The following ASB3 variants were observed in gnomAD, a reference collection of about 807,000 sequenced individuals.
The protein encoded by ASB3 is ankyrin repeat and SOCS box protein 3.
Under a neutral mutation model 54.5 loss-of-function variants are expected in ASB3, and 41 were observed. The observed-to-expected ratio is 0.75, with a 90% confidence interval of 0.59 to 0.98. The LOEUF is 0.98. ASB3 is among the 50% of genes least tolerant of loss of function. The probability of loss-of-function intolerance (pLI) is 0.00; values close to 1 mark genes in which losing one functional copy is unlikely to be tolerated. For missense variants in ASB3, 733 were observed against 620.0 expected (o/e 1.18, Z -1.94); for synonymous variants, 266 against 221.2 (o/e 1.20, Z -1.80).
rs1170349329 is a variant in ASB3, at chr2:53,765,536, T to C, written c.37A>G (p.Thr13Ala). 1.9e-6 allele frequency: 3 copies of C among 1,614,220 alleles called. No individual in the cohort carries two copies. The highest frequency in any genetic ancestry group is 1.7e-6 in the Non-Finnish European group (2 of 1,180,024). The change falls in exon 2 of 10, where the codon ACA (threonine) becomes GCA (alanine). Residue 13 changes from threonine to alanine, a missense_variant. Physicochemically the swap from Thr to Ala is moderately conservative, Grantham distance 58. Transcript: ENST00000263634. ...CCTTCCCTGGCAGCAAGTCCAACTG[T>C]AGAGCACGTGTCCGCGTAAGCCTCT... ...FTEAYADTCS[T>A]VGLAAREGNV...
At chr2:53,692,879 A>G (rs528047093) in intron 9 of ASB3, among the ~76,000 whole-genome samples, 1 of 152,302 alleles carries the variant, frequency 6.6e-6, no homozygotes, top group South Asian at 2.1e-4. Flanking sequence ...ATCATTAAAG[A>G]AATTCTATAC....
At chr2:53,679,206 C>A (rs990673963) in intron 9 of ASB3, among the ~76,000 whole-genome samples, 1 of 152,152 alleles carries the variant, frequency 6.6e-6, no homozygotes, top group African/African-American at 2.4e-5. Context: ...GAAAACTAAG[C>A]AATGCTGGAA....
At chr2:53,740,576 A>C (rs1671879236) in intron 3 of ASB3, among the ~76,000 whole-genome samples, 1 of 152,246 alleles carries the variant, frequency 6.6e-6, no homozygotes, top group African/African-American at 2.4e-5. Flanking sequence ...TATACTAAAA[A>C]GTTATATTTC....
At chr2:53,734,982 C>T (rs560048941) in intron 3 of ASB3, among the ~76,000 whole-genome samples, 8 of 141,516 alleles carry the variant, frequency 5.7e-5, no homozygotes, top group Non-Finnish European at 1.0e-4. Flanking sequence ...TGCAGTGGTG[C>T]GATCTTGGCT....
At chr2:53,684,378 TTCA>T (rs1400883632) in intron 9 of ASB3, among the ~76,000 whole-genome samples, 1 of 152,224 alleles carries the variant, frequency 6.6e-6, no homozygotes, top group East Asian at 1.9e-4. Flanking sequence ...TCAAACCAAG[TTCA>T]TTATTATTGC....
At chr2:53,721,921 G>T (rs954645642) in intron 5 of ASB3, among the ~76,000 whole-genome samples, 1 of 151,856 alleles carries the variant, frequency 6.6e-6, no homozygotes, top group African/African-American at 2.4e-5. Flanking sequence ...TCTTTGAAAG[G>T]ATAAACAAAA....
intron 3 of ASB3, among the ~76,000 whole-genome samples, chr2:53,738,866 A>G (rs1671784292): frequency 6.6e-6 from 1 of 152,172 alleles, no homozygotes; most frequent in Non-Finnish European, 1.5e-5. Flanking sequence ...GAAATAAAAG[A>G]CCGCATTTCA....
intron 2 of ASB3, among the ~76,000 whole-genome samples, chr2:53,751,880 A>G (rs1176273045): frequency 4.6e-5 from 7 of 152,238 alleles, no homozygotes; most frequent in Non-Finnish European, 8.8e-5. Context: ...AAAGGGCAAG[A>G]TAGAGTAGTC....
intron 3 of ASB3, among the ~76,000 whole-genome samples, chr2:53,739,912 G>C (rs190524391): frequency 1.9e-4 from 29 of 152,090 alleles, no homozygotes; most frequent in African/African-American, 7.0e-4. Flanking sequence ...GGGCTCAAGT[G>C]ATCCTCCCAC....
intron 5 of ASB3, among the ~76,000 whole-genome samples, chr2:53,722,622 A>G (rs1166699388): frequency 6.6e-6 from 1 of 152,196 alleles, no homozygotes; most frequent in Non-Finnish European, 1.5e-5. Flanking sequence ...ATAAAACCCA[A>G]CATCCCTTCA....
intron 9 of ASB3, among the ~76,000 whole-genome samples, chr2:53,683,979 T>C (rs1668509580): frequency 6.6e-6 from 1 of 152,190 alleles, no homozygotes; most frequent in African/African-American, 2.4e-5. Flanking sequence ...TATTATTTCT[T>C]TTCTTCTAGT....
chr2:53,784,561 A>G (rs1389684785), intron 1 of ASB3, among the ~76,000 whole-genome samples: 9 of 152,142 alleles, frequency 5.9e-5, no homozygotes, highest in Non-Finnish European at 1.3e-4. Flanking sequence ...AGCTCTAAAG[A>G]AGGATTCTTC....
At chr2:53,686,848 A>G (rs1359546700) in intron 9 of ASB3, among the ~76,000 whole-genome samples, 1 of 152,048 alleles carries the variant, frequency 6.6e-6, no homozygotes, top group African/African-American at 2.4e-5. Context: ...CAGCCTCCCG[A>G]GTAGCTGGGA....
At chr2:53,706,010 T>C (rs1207154830) in intron 7 of ASB3, among the ~76,000 whole-genome samples, 1 of 152,170 alleles carries the variant, frequency 6.6e-6, no homozygotes, top group Non-Finnish European at 1.5e-5. Flanking sequence ...CCCAAAAAAC[T>C]AGGGTTTTTT....
intron 7 of ASB3, among the ~76,000 whole-genome samples, chr2:53,709,890 G>C (rs1185834412): frequency 6.6e-6 from 1 of 152,070 alleles, no homozygotes; most frequent in Non-Finnish European, 1.5e-5. Context: ...TTCTCTCTTA[G>C]ACCTCTTCCT....
intron 5 of ASB3, among the ~76,000 whole-genome samples, chr2:53,718,429 C>T (rs951965876): frequency 3.7e-4 from 56 of 152,108 alleles, no homozygotes; most frequent in South Asian, 6.2e-4. Context: ...GCTTCACAAA[C>T]GAAGGAGAAA....
intron 9 of ASB3, among the ~76,000 whole-genome samples, chr2:53,676,153 T>G (rs184763751): frequency 4.1e-4 from 63 of 152,332 alleles, no homozygotes; most frequent in Admixed American, 3.3e-3. Flanking sequence ...ACTATGGATG[T>G]ATAAACAATA....
chr2:53,700,786 TA>T (rs200551514), intron 7 of ASB3, among the ~76,000 whole-genome samples: 4 of 152,030 alleles, frequency 2.6e-5, no homozygotes, highest in South Asian at 2.1e-4. Context: ...AATGTCATTT[TA>T]AAAAAAATTA....
chr2:53,766,531 C>T (rs1673467824), intron 1 of ASB3, among the ~76,000 whole-genome samples: 1 of 151,978 alleles, frequency 6.6e-6, no homozygotes, highest in Admixed American at 6.6e-5. Context: ...TCTTATGAGA[C>T]ACATGTAGAG....
Sources: gnomAD v4.1 joint callset for allele counts (sites outside exome capture counted in the v4.1 genomes callset) on GRCh38, gnomAD v4.1.1 for gene constraint, MANE v1.5 for transcripts, NCBI Gene and HGNC (gene_info 2026-07-23, HGNC 2026-07-21) for gene names.